Variants in VIL1 observed in about 807,000 individuals in gnomAD.
VIL1 encodes villin-1.
A neutral mutation model predicts 104.0 loss-of-function variants in VIL1; 86 were observed. That is an observed-to-expected ratio of 0.83 (90% CI 0.69 to 0.99). VIL1 has a LOEUF of 0.99. VIL1 is among the 50% of genes least tolerant of loss of function. VIL1 has a pLI of 0.00. For missense variants in VIL1, 944 were observed against 1,054.1 expected (o/e 0.90, Z 1.45); for synonymous variants, 394 against 412.6 (o/e 0.95, Z 0.55).
In VIL1 at chr2:218,449,314, A is replaced by C. The variant is rs1485393441; in HGVS notation, c.2462A>C (p.Lys821Thr). Residue 821 changes from lysine (K) to threonine (T), a missense_variant, in exon 20 of 20, where the codon AAG becomes ACG. Coordinates refer to ENST00000248444, the MANE Select transcript of VIL1 (RefSeq NM_007127.3). ...CCTCGATGGAAGCAACAAAACCTCA[A>C]GAAAGAAAAAGGACTATTTTGAGAA... Reference protein sequence around the residue: ...ALPRWKQQNLKKEKGLF With the variant: ...ALPRWKQQNLTKEKGLF The C allele has an allele frequency of 3.7e-6, 6 of 1,613,738 alleles. No homozygotes were observed. Among genetic ancestry groups the C allele is most frequent in the Non-Finnish European group, 5.1e-6 (6 of 1,179,684 alleles).
Position 218,431,896 on chromosome 2 carries a change from A to G in VIL1, c.1142A>G (p.His381Arg), listed in dbSNP as rs1689105233. The G allele has an allele frequency of 3.1e-6, 5 of 1,613,988 alleles. No homozygotes were observed. Among genetic ancestry groups the G allele is most frequent in the Non-Finnish European group, 4.2e-6 (5 of 1,180,006 alleles). The change falls in exon 11 of 20, where the codon CAT becomes CGT. Residue 381 changes from histidine to arginine, a missense_variant. Physicochemically the swap from His to Arg is conservative, Grantham distance 29. Coordinates refer to ENST00000248444, the MANE Select transcript of VIL1 (RefSeq NM_007127.3). ...GTGAAGTTCGATGCCACATCCATGC[A>G]TGTCAAGCCTCAGGTGGCTGCCCAG... ...EQVKFDATSM[H>R]VKPQVAAQQK...
intron 19 of VIL1, among the ~76,000 whole-genome samples, chr2:218,446,008 G>A (rs1003775077): frequency 6.6e-6 from 1 of 152,130 alleles, no homozygotes; most frequent in East Asian, 1.9e-4. Flanking sequence ...GATGACAGAA[G>A]CTGGTACAAG....
At position 218,440,748 on chromosome 2, in the gene VIL1, G is replaced by A; in HGVS notation, c.2256G>A (p.Val752=). Residue 752 remains valine (V), a synonymous_variant, in exon 19 of 20, where the codon GTG becomes GTA. Coordinates refer to ENST00000248444, the MANE Select transcript of VIL1 (RefSeq NM_007127.3). ...TAEVTSPKVD[V]FNANSNLSSG... is the part of the protein sequence containing the mutation. ...AGGTCACAAGCCCCAAAGTGGACGT[G>A]TTCAATGCTAACAGCAACCTCAGTT... The A allele has an allele frequency of 6.2e-7, 1 of 1,614,158 alleles. No homozygotes were observed. The highest frequency in any genetic ancestry group is 8.5e-7 in the Non-Finnish European group (1 of 1,180,020).
At chr2:218,427,326 CTTT>C (rs10716451) in intron 4 of VIL1, among the ~76,000 whole-genome samples, 33 of 128,530 alleles carry the variant, frequency 2.6e-4, no homozygotes, top group Non-Finnish European at 2.9e-4. Context: ...AATACATTTC[CTTT>C]TTTTTTTTTT....
chr2:218,440,942 G>A, intron 19 of VIL1, 80 bp downstream of exon 19: 2 of 1,546,062 alleles, frequency 1.3e-6, no homozygotes, highest in Non-Finnish European at 1.8e-6. Flanking sequence ...GGCCCTGCAG[G>A]TGACTAGGTG....
rs558861185 is a variant in VIL1, at chr2:218,449,742, C to T, written c.*406C>T. On this transcript the variant is annotated 3_prime_UTR_variant, in exon 20 of 20. Coordinates refer to ENST00000248444, the MANE Select transcript of VIL1 (RefSeq NM_007127.3). Reference sequence around the variant, plus strand: ...AAGCACTTTGCAGGTTTACATCTTCCCCAGAGTAACAGCTTTTCCTTTTCA... The same window carrying T: ...AAGCACTTTGCAGGTTTACATCTTCTCCAGAGTAACAGCTTTTCCTTTTCA... The T allele has an allele frequency of 5.6e-6, 1 of 178,140 alleles. No individual in the cohort carries two copies. Among genetic ancestry groups the T allele is most frequent in the East Asian group, 1.3e-4 (1 of 7,438 alleles). The allele number at this position is 178,140 out of a possible 1,614,324, so 11.0% of individuals were successfully genotyped here.
chr2:218,450,325 A>G lies in VIL1; in HGVS notation c.*989A>G, dbSNP rs1229318478. ...TAATTTAAAAAGGAAACAAAAACAA[A>G]GAAAAACCGTAAAGGATACAGAGGA... On this transcript the variant is annotated 3_prime_UTR_variant, in exon 20 of 20. Coordinates refer to ENST00000248444, the MANE Select transcript of VIL1 (RefSeq NM_007127.3). 2 of 152,632 alleles carry G rather than the reference A, an allele frequency of 1.3e-5. No homozygotes were observed. The highest frequency in any genetic ancestry group is 2.4e-5 in the African/African-American group (1 of 41,472). The allele number at this position is 152,632 out of a possible 1,614,324, so 9.5% of individuals were successfully genotyped here. A position where few individuals can be genotyped will look rare whatever the true frequency, so the allele number is the denominator to read the frequency against.
intron 19 of VIL1, among the ~76,000 whole-genome samples, chr2:218,444,578 G>A (rs556872669): frequency 4.6e-5 from 7 of 152,250 alleles, no homozygotes; most frequent in Admixed American, 2.0e-4. Flanking sequence ...GTGCCCGGCC[G>A]GCCTGTAGCT....
chr2:218,429,965 GGAGGGT>G lies in VIL1; in HGVS notation c.948+19_948+24del. On this transcript the variant is annotated intron_variant, in intron 9 of 19. Transcript: ENST00000248444. ...ATGCGCTGGTAGTGGTGGGGGCGGG[GGAGGGT>G]CCAGGAGGAGGGCAGAGTGATGGGA... 5 of 1,409,624 alleles carry G rather than the reference GGAGGGT, an allele frequency of 3.5e-6. No homozygotes were observed. Among genetic ancestry groups the G allele is most frequent in the African/African-American group, 1.4e-5 (1 of 70,826 alleles). 87.3% of individuals were successfully genotyped at this position (1,409,624 alleles called of 1,614,324 possible).
chr2:218,421,931 C>T (rs549581204), intron 1 of VIL1, among the ~76,000 whole-genome samples: 12 of 152,248 alleles, frequency 7.9e-5, no homozygotes, highest in Non-Finnish European at 1.5e-4. Flanking sequence ...GGGAAGTCTA[C>T]GTTCATACAG....
intron 9 of VIL1, among the ~76,000 whole-genome samples, chr2:218,430,524 G>C (rs532312245): frequency 6.6e-6 from 1 of 152,068 alleles, no homozygotes. Flanking sequence ...TTAGGTTTCA[G>C]GCGGTATCAG....
At chr2:218,445,775 T>C (rs990616228) in intron 19 of VIL1, among the ~76,000 whole-genome samples, 42 of 152,270 alleles carry the variant, frequency 2.8e-4, no homozygotes, top group Middle Eastern at 6.8e-3. Flanking sequence ...TTATAGCAAC[T>C]TTAATTAGGG....
chr2:218,423,712 T>C, intron 1 of VIL1, 56 bp from the exon 2 acceptor site: 1 of 1,578,036 alleles, frequency 6.3e-7, no homozygotes, highest in South Asian at 1.1e-5. Flanking sequence ...AGGGGCAGGC[T>C]GGAAGGGCAG....
In VIL1 at chr2:218,434,832, G is replaced by A. The variant is rs528988725; in HGVS notation, c.1680+127G>A. 457 of 971,830 alleles carry A rather than the reference G, an allele frequency of 4.7e-4. 2 individuals are homozygous for A. The South Asian group carries it at 4.9e-3, about 10-fold the overall frequency. 60.2% of individuals were successfully genotyped at this position (971,830 alleles called of 1,614,324 possible). A position where few individuals can be genotyped will look rare whatever the true frequency, so the allele number is the denominator to read the frequency against. On this transcript the variant is annotated intron_variant, in intron 14 of 19. Coordinates refer to ENST00000248444, the MANE Select transcript of VIL1 (RefSeq NM_007127.3). ...AGTTGTGCCTGCTCAATTCTCAGCCGCCTCTGGAGCCCAGTCTCTCCCTCC... is the reference window on the plus strand; with the variant it reads ...AGTTGTGCCTGCTCAATTCTCAGCCACCTCTGGAGCCCAGTCTCTCCCTCC...
intron 1 of VIL1, among the ~76,000 whole-genome samples, chr2:218,420,876 C>T (rs967118451): frequency 5.3e-5 from 8 of 152,158 alleles, no homozygotes; most frequent in African/African-American, 1.9e-4. Context: ...TGAGCCACCA[C>T]GCCCAGCCCA....
chr2:218,443,058 T>C (rs1365236647), intron 19 of VIL1, among the ~76,000 whole-genome samples: 1 of 152,068 alleles, frequency 6.6e-6, no homozygotes, highest in East Asian at 1.9e-4. Flanking sequence ...TTATTGCCTG[T>C]TCTACACCTG....
Position 218,434,732 on chromosome 2 carries a change from C to G in VIL1, c.1680+27C>G, listed in dbSNP as rs369340549. 8 of 1,583,992 alleles carry G rather than the reference C, an allele frequency of 5.1e-6. No homozygotes were observed. The African/African-American group carries it at 9.5e-5, about 19-fold the overall frequency. ...TGTGTTCAGGGTCTAGAGGCCTCCC[C>G]ATCCGCAAGTGGGTCCTGGGAGTCC... On this transcript the variant is annotated intron_variant, in intron 14 of 19. Coordinates refer to ENST00000248444, the MANE Select transcript of VIL1 (RefSeq NM_007127.3).
chr2:218,420,445 A>G (rs1022113652), intron 1 of VIL1, among the ~76,000 whole-genome samples: 1 of 148,750 alleles, frequency 6.7e-6, no homozygotes, highest in African/African-American at 2.5e-5. Flanking sequence ...AAAAAAAAAA[A>G]AAGAAAAGAA....
In VIL1 at chr2:218,431,939, T is replaced by C. The variant is rs1300220064; in HGVS notation, c.1185T>C (p.Asp395=). 6.2e-6 allele frequency: 10 copies of C among 1,613,768 alleles called. No homozygotes were observed. Among genetic ancestry groups the C allele is most frequent in the Non-Finnish European group, 8.5e-6 (10 of 1,179,958 alleles). The change falls in exon 11 of 20, where the codon GAT becomes GAC. Residue 395 remains aspartate (D), a synonymous_variant. Transcript: ENST00000248444. ...QVAAQQKMVD[D]GSGEVQVWRI... ...CTGCCCAGCAGAAGATGGTAGATGA[T>C]GGGAGTGGGGAAGTGCAGGTATGTG... is the stretch of plus-strand genomic sequence containing the variant.
Sources: allele counts gnomAD v4.1 joint callset (sites outside exome capture counted in the v4.1 genomes callset), GRCh38; gene constraint gnomAD v4.1.1; transcripts MANE v1.5; gene names NCBI Gene and HGNC (gene_info 2026-07-23, HGNC 2026-07-21).